Variants in ANKS1B observed in about 807,000 individuals in gnomAD.
ANKS1B encodes the protein ankyrin repeat and sterile alpha motif domain-containing protein 1B.
A neutral mutation model predicts 148.3 loss-of-function variants in ANKS1B; 36 were observed. The ratio of observed to expected loss-of-function variants is 0.24; its 90% CI spans 0.19 to 0.32. The LOEUF (loss-of-function observed/expected upper bound fraction) is 0.32. Ranked by LOEUF, ANKS1B falls within the 10% of genes least tolerant of loss-of-function variation. The pLI, the probability that ANKS1B is intolerant of heterozygous loss-of-function variation, is 1.00. For missense variants in ANKS1B, 1,157 were observed against 1,542.6 expected, an observed-to-expected ratio of 0.75 and a Z score of 4.19; for synonymous variants, 542 against 560.8, an observed-to-expected ratio of 0.97 and a Z score of 0.47.
chr12:99,357,859 C>T (rs974124190), intron 12 of ANKS1B, among the ~76,000 whole-genome samples: 8 of 151,974 alleles, frequency 5.3e-5, no homozygotes, highest in Non-Finnish European at 8.8e-5. Context: ...GATAAGAATG[C>T]CCTTCTTAGC....
chr12:99,787,851 T>G (rs746523038), intron 4 of ANKS1B, among the ~76,000 whole-genome samples: 14 of 152,166 alleles, frequency 9.2e-5, no homozygotes, highest in Non-Finnish European at 1.6e-4. Context: ...AACTTTACAT[T>G]GAACTCAGTG....
intron 10 of ANKS1B, among the ~76,000 whole-genome samples, chr12:99,463,264 A>G (rs2096018636): frequency 6.6e-6 from 1 of 152,234 alleles, no homozygotes; most frequent in Non-Finnish European, 1.5e-5. Flanking sequence ...TTTGATTAAT[A>G]TGTGAAGACA....
At chr12:98,945,846 A>G (rs1369597266) in intron 17 of ANKS1B, among the ~76,000 whole-genome samples, 1 of 152,220 alleles carries the variant, frequency 6.6e-6, no homozygotes, top group Non-Finnish European at 1.5e-5. Flanking sequence ...GCACTTCACC[A>G]TCGGCAAAAT....
intron 24 of ANKS1B, among the ~76,000 whole-genome samples, chr12:98,779,505 A>G (rs749469312): frequency 6.6e-6 from 1 of 152,182 alleles, no homozygotes; most frequent in Non-Finnish European, 1.5e-5. Context: ...AAAGTTGTTC[A>G]TCTAAGAGAG....
rs184511357 is a variant in ANKS1B at position 98,927,105 on chromosome 12, A to T, written c.2779-94969T>A. Among the ~76,000 whole-genome samples the T allele has an allele frequency of 2.6e-5, 4 of 152,224 alleles. No individual in the cohort carries two copies. In the East Asian group the frequency reaches 7.7e-4, roughly 29 times the overall value. On this transcript the variant is annotated intron_variant, in intron 17 of 26. Transcript: ENST00000683438. Reference sequence around the variant, plus strand: ...TTTCTACAGCTAAAGACAAAAAGAGAATCTTGAGAATGCCAAGAGAAAAGT... The same window carrying T: ...TTTCTACAGCTAAAGACAAAAAGAGTATCTTGAGAATGCCAAGAGAAAAGT...
chr12:99,050,695 T>C (rs796541097), intron 17 of ANKS1B, among the ~76,000 whole-genome samples: 58 of 144,116 alleles, frequency 4.0e-4, no homozygotes, highest in African/African-American at 1.2e-3. Flanking sequence ...TTTTTCTTTT[T>C]TTTTTTTTTT....
intron 9 of ANKS1B, among the ~76,000 whole-genome samples, chr12:99,548,568 C>G (rs1567325490): frequency 6.6e-6 from 1 of 151,892 alleles, no homozygotes; most frequent in Non-Finnish European, 1.5e-5. Flanking sequence ...CAGATATTAA[C>G]TTCTTTAAAA....
intron 17 of ANKS1B, among the ~76,000 whole-genome samples, chr12:99,014,964 C>A (rs981400402): frequency 6.6e-6 from 1 of 152,168 alleles, no homozygotes; most frequent in Admixed American, 6.5e-5. Flanking sequence ...TGTGGCCATT[C>A]CTCAAAGACC....
At chr12:98,749,284 T>A (rs2098004135) in intron 26 of ANKS1B, among the ~76,000 whole-genome samples, 1 of 151,740 alleles carries the variant, frequency 6.6e-6, no homozygotes, top group Admixed American at 6.6e-5. Flanking sequence ...TTTTTTTGTA[T>A]TTTTAGTAGA....
chr12:99,980,055 A>G (rs1266116572), intron 1 of ANKS1B, among the ~76,000 whole-genome samples: 2 of 152,032 alleles, frequency 1.3e-5, no homozygotes, highest in Non-Finnish European at 2.9e-5. Flanking sequence ...GAAATTACAA[A>G]TACAACATAA....
intron 10 of ANKS1B, among the ~76,000 whole-genome samples, chr12:99,492,288 A>G (rs1452951321): frequency 2.0e-5 from 3 of 152,314 alleles, no homozygotes; most frequent in Non-Finnish European, 2.9e-5. Flanking sequence ...ATGCACATAA[A>G]CGAGAAAACC....
intron 12 of ANKS1B, among the ~76,000 whole-genome samples, chr12:99,387,930 A>G (rs2093936401): frequency 6.6e-6 from 1 of 151,468 alleles, no homozygotes. Context: ...ACTTAAAACA[A>G]GGAGCCATGA....
intron 17 of ANKS1B, among the ~76,000 whole-genome samples, chr12:99,044,407 C>T (rs2099961009): frequency 6.7e-6 from 1 of 149,390 alleles, no homozygotes; most frequent in African/African-American, 2.5e-5. Flanking sequence ...TTACAAAGTC[C>T]AGGAGCGGAA....
intron 1 of ANKS1B, among the ~76,000 whole-genome samples, chr12:99,891,291 CTT>C (rs1316485762): frequency 1.3e-5 from 2 of 152,048 alleles, no homozygotes; most frequent in African/African-American, 4.8e-5. Flanking sequence ...TTATTGCTAA[CTT>C]TTTAAATTAT....
intron 19 of ANKS1B, among the ~76,000 whole-genome samples, chr12:98,819,600 G>A (rs2099168101): frequency 6.6e-6 from 1 of 152,176 alleles, no homozygotes; most frequent in African/African-American, 2.4e-5. Context: ...CTTACAAAGA[G>A]CGGGCCAGCT....
intron 8 of ANKS1B, among the ~76,000 whole-genome samples, chr12:99,677,717 T>C (rs1007125220): frequency 1.3e-5 from 2 of 152,344 alleles, no homozygotes; most frequent in South Asian, 2.1e-4. Context: ...CTCACGCCTG[T>C]AATCCCAGCA....
chr12:99,623,199 C>T (rs528838216), intron 9 of ANKS1B, among the ~76,000 whole-genome samples: 3 of 152,014 alleles, frequency 2.0e-5, no homozygotes, highest in African/African-American at 4.8e-5. Context: ...TAAAATCTAA[C>T]ATCTCTTCAT....
intron 11 of ANKS1B, among the ~76,000 whole-genome samples, chr12:99,440,994 T>A (rs1196513207): frequency 2.6e-5 from 4 of 151,884 alleles, no homozygotes; most frequent in African/African-American, 7.2e-5. Context: ...TGTAAATTCA[T>A]GAATAAGGGT....
chr12:99,652,086 TAC>T (rs1491419647), intron 9 of ANKS1B, among the ~76,000 whole-genome samples: 42 of 149,392 alleles, frequency 2.8e-4, no homozygotes, highest in Middle Eastern at 3.5e-3. Context: ...TATATATATA[TAC>T]ACACACATAT....
Sources: gnomAD v4.1 joint callset for allele counts (sites outside exome capture counted in the v4.1 genomes callset) on GRCh38, gnomAD v4.1.1 for gene constraint, MANE v1.5 for transcripts, NCBI Gene and HGNC (gene_info 2026-07-23, HGNC 2026-07-21) for gene names.